C19orf38: variants seen among roughly 807,000 people sequenced by gnomAD.
C19orf38 encodes the protein chromosome 19 open reading frame 38.
A neutral mutation model predicts 26.6 loss-of-function variants in C19orf38; 14 were observed. The ratio of observed to expected loss-of-function variants is 0.53; its 90% CI spans 0.35 to 0.82. The LOEUF is 0.82. Among genes scored for constraint, C19orf38 ranks in the 40% least tolerant of loss-of-function variants. The probability of loss-of-function intolerance (pLI) is 0.01; values close to 1 mark genes in which losing one functional copy is unlikely to be tolerated. For synonymous variants in C19orf38, 132 were observed against 128.5 expected, an observed-to-expected ratio of 1.03 and a Z score of -0.18; for missense variants, 261 against 299.5, an observed-to-expected ratio of 0.87 and a Z score of 0.95.
chr19:10,845,607 C>T (rs191647136), upstream of C19orf38, among the ~76,000 whole-genome samples: 4 of 152,140 alleles, frequency 2.6e-5, no homozygotes, highest in African/African-American at 4.8e-5. Context: ...GGGCCGGGTG[C>T]GGTGGCTCAC....
intron 6 of C19orf38, among the ~76,000 whole-genome samples, chr19:10,863,591 G>A (rs1483921068): frequency 1.3e-5 from 2 of 152,170 alleles, no homozygotes; most frequent in Non-Finnish European, 2.9e-5. Flanking sequence ...GTCACAATCT[G>A]TGACAGGCTG....
chr19:10,859,346 GTGTATATATATATATATATATA>G (rs1448086621), intron 4 of C19orf38, among the ~76,000 whole-genome samples: 609 of 44,094 alleles, frequency 0.014, 18 homozygotes, highest in African/African-American at 0.063. Flanking sequence ...GTGTGTGTGT[GTGTATATATATATATATATATA>G]TATATATATA....
In C19orf38 at chr19:10,857,362, A is replaced by ATTTT. The variant is rs1304594112; in HGVS notation, c.434-953_434-952insTTTT. 1.5e-3 allele frequency among the ~76,000 whole-genome samples: 125 copies of ATTTT among 81,582 alleles called. 1 individual carries two copies. The highest frequency in any genetic ancestry group is 0.011 in the African/African-American group (108 of 10,268). 53.5% of individuals were successfully genotyped at this position (81,582 alleles called of 152,430 possible). On this transcript the variant is annotated intron_variant, in intron 3 of 6. Coordinates refer to ENST00000397820, the MANE Select transcript of C19orf38 (RefSeq NM_001136482.3). ...TACATATATATATATATATATATATATATATTTTTTTTTTTTTTTTTTTAA... is the reference window on the plus strand; with the variant it reads ...TACATATATATATATATATATATATATTTTTATATTTTTTTTTTTTTTTTTTTAA...
chr19:10,863,785 T>C (rs1378561435), intron 6 of C19orf38, among the ~76,000 whole-genome samples: 2 of 152,058 alleles, frequency 1.3e-5, no homozygotes, highest in Non-Finnish European at 2.9e-5. Context: ...TGGTGGTGCA[T>C]GCTTGTAATC....
At chr19:10,844,717 G>A (rs528047085), upstream of C19orf38, among the ~76,000 whole-genome samples, 19 of 151,790 alleles carry the variant, frequency 1.3e-4, no homozygotes, top group Non-Finnish European at 2.4e-4. Flanking sequence ...GCGTGGTGGC[G>A]GTTGCCTGTA....
chr19:10,837,220 G>A (rs569777330), intron 1 of C19orf38, among the ~76,000 whole-genome samples: 4 of 152,282 alleles, frequency 2.6e-5, no homozygotes, highest in South Asian at 4.1e-4. Context: ...TTTGGTTCCC[G>A]TCTAAACATA....
intron 1 of C19orf38, chr19:10,841,822 T>G (rs959710746): frequency 1.5e-6 from 2 of 1,299,604 alleles, no homozygotes; most frequent in Non-Finnish European, 2.2e-6. Context: ...AAACATTTTT[T>G]AAAAAATTAG....
At chr19:10,857,366 A>ATATATATTTTTTTTTT (rs1433358051) in intron 3 of C19orf38, among the ~76,000 whole-genome samples, 2 of 56,102 alleles carry the variant, frequency 3.6e-5, no homozygotes, top group South Asian at 6.6e-4. Flanking sequence ...ATATATATAT[A>ATATATATTTTTTTTTT]TTTTTTTTTT....
intron 4 of C19orf38, among the ~76,000 whole-genome samples, chr19:10,858,671 T>C (rs2073657163): frequency 6.6e-6 from 1 of 152,002 alleles, no homozygotes; most frequent in East Asian, 1.9e-4. Flanking sequence ...CCCCTTTACC[T>C]CCAGCTGCCA....
intron 6 of C19orf38, among the ~76,000 whole-genome samples, chr19:10,865,616 A>G (rs2073744335): frequency 6.6e-6 from 1 of 152,012 alleles, no homozygotes; most frequent in South Asian, 2.1e-4. Context: ...TGGGTGACAG[A>G]GCAAGACTTT....
intron 1 of C19orf38, among the ~76,000 whole-genome samples, chr19:10,842,466 TAGTC>T (rs985271817): frequency 2.0e-5 from 3 of 152,118 alleles, no homozygotes; most frequent in Non-Finnish European, 4.4e-5. Context: ...TTCACCGTGT[TAGTC>T]AGGATGGTCT....
chr19:10,863,354 G>A, intron 6 of C19orf38, 147 bp downstream of exon 6: 1 of 930,722 alleles, frequency 1.1e-6, no homozygotes, highest in Non-Finnish European at 1.6e-6. Flanking sequence ...CACTGAACAG[G>A]GACTCAGTAG....
rs763489783 is a variant in C19orf38 at position 10,856,368 on chromosome 19, G to A, written c.433+11G>A. 27 of 1,546,554 alleles carry A rather than the reference G, an allele frequency of 1.7e-5. No individual in the cohort carries two copies. Among genetic ancestry groups the A allele is most frequent in the East Asian group, 2.4e-5 (1 of 40,862 alleles). ...TGGTGGTCAGAAAAGGTAACAGCAC[G>A]CAAAGCCTGGCACACAAGTTGCCAG... On this transcript the variant is annotated intron_variant, in intron 3 of 6. Transcript: ENST00000397820.
rs565763004 is a variant in C19orf38, at chr19:10,862,257, C to T, written c.506-913C>T. Among the ~76,000 whole-genome samples the T allele has an allele frequency of 6.5e-5, 9 of 138,232 alleles. No homozygotes were observed. The South Asian group carries it at 7.0e-4, about 11-fold the overall frequency. The allele number at this position is 138,232 out of a possible 152,430, so 90.7% of individuals were successfully genotyped here. On this transcript the variant is annotated intron_variant, in intron 5 of 6. Coordinates refer to ENST00000397820, the MANE Select transcript of C19orf38 (RefSeq NM_001136482.3). ...TCTTGCTCTGTCACCCAGACAGGAACGCAGTGGCGCAATCATAGCTCACTG... is the reference window on the plus strand; with the variant it reads ...TCTTGCTCTGTCACCCAGACAGGAATGCAGTGGCGCAATCATAGCTCACTG...
In C19orf38 at chr19:10,865,308, G is replaced by A. The variant is rs372081114; in HGVS notation, c.543+2101G>A. Among the ~76,000 whole-genome samples the A allele has an allele frequency of 1.7e-3, 260 of 152,026 alleles. 2 individuals are homozygous for A. Among genetic ancestry groups the A allele is most frequent in the African/African-American group, 6.1e-3 (251 of 41,476 alleles). ...ATTACAGGCGCCTGCCATCGCGCCC[G>A]GCTAATTTTTGTATTTTTAGTAGAG... On this transcript the variant is annotated intron_variant, in intron 6 of 6. Coordinates refer to ENST00000397820, the MANE Select transcript of C19orf38 (RefSeq NM_001136482.3).
At chr19:10,848,575 CT>C in intron 1 of C19orf38, 36 bp downstream of exon 1, 1 of 1,323,572 alleles carries the variant, frequency 7.6e-7, no homozygotes, top group Non-Finnish European at 1.0e-6. Flanking sequence ...TCCCCCACGC[CT>C]TTCCCCCCAT....
chr19:10,859,451 C>T (rs867622330), intron 4 of C19orf38, among the ~76,000 whole-genome samples: 10 of 142,068 alleles, frequency 7.0e-5, no homozygotes, highest in South Asian at 2.2e-4. Context: ...GGCGCAATCT[C>T]GGCTCACTGC....
chr19:10,844,993 C>CAAAAAAAAAAAA (rs57500129), upstream of C19orf38, among the ~76,000 whole-genome samples: 14,166 of 93,810 alleles, frequency 0.15, 853 homozygotes, highest in Middle Eastern at 0.23. Flanking sequence ...CCTTTCTCTA[C>CAAAAAAAAAAAA]AAAAAAAAAA....
chr19:10,862,265 C>T (rs1273379487), intron 5 of C19orf38, among the ~76,000 whole-genome samples: 2 of 143,822 alleles, frequency 1.4e-5, no homozygotes, highest in East Asian at 2.1e-4. Flanking sequence ...AACGCAGTGG[C>T]GCAATCATAG....
Sources: gnomAD v4.1 joint callset for allele counts (sites outside exome capture counted in the v4.1 genomes callset) on GRCh38, gnomAD v4.1.1 for gene constraint, MANE v1.5 for transcripts, NCBI Gene and HGNC (gene_info 2026-07-23, HGNC 2026-07-21) for gene names.